Variants in TOR1AIP1 observed in about 807,000 individuals in gnomAD.
TOR1AIP1 encodes the protein torsin-1A-interacting protein 1.
A neutral mutation model predicts 63.3 loss-of-function variants in TOR1AIP1; 54 were observed. That is an observed-to-expected ratio of 0.85 (90% CI 0.69 to 1.07). The LOEUF (loss-of-function observed/expected upper bound fraction) is 1.07. Ranked by LOEUF, TOR1AIP1 falls within the 50% of genes least tolerant of loss-of-function variation. TOR1AIP1 has a pLI of 0.00. For missense variants in TOR1AIP1, 736 were observed against 715.0 expected, an observed-to-expected ratio of 1.03 and a Z score of -0.33; for synonymous variants, 294 against 273.5, an observed-to-expected ratio of 1.07 and a Z score of -0.74.
Position 179,885,185 on chromosome 1 carries a change from C to T in TOR1AIP1, c.553+416C>T, listed in dbSNP as rs570293979. Among the ~76,000 whole-genome samples the T allele has an allele frequency of 4.6e-5, 7 of 152,310 alleles. No individual in the cohort carries two copies. The East Asian group carries it at 1.3e-3, about 29-fold the overall frequency. On this transcript the variant is annotated intron_variant, in intron 2 of 9. Coordinates refer to ENST00000606911, the MANE Select transcript of TOR1AIP1 (RefSeq NM_015602.4). ...ACTTTTCTTCATGGTAAAATCTTGACACAGTGTGATCAGTCTTTTCAGTTT... is the reference window on the plus strand; with the variant it reads ...ACTTTTCTTCATGGTAAAATCTTGATACAGTGTGATCAGTCTTTTCAGTTT...
rs1343596416 is a variant in TOR1AIP1, at chr1:179,901,297, T to C, written c.653-5T>C. On this transcript the variant is annotated splice_region_variant and splice_polypyrimidine_tract_variant and intron_variant, in intron 4 of 9. Coordinates refer to ENST00000606911, the MANE Select transcript of TOR1AIP1 (RefSeq NM_015602.4). ...TATATTAGTATATTGTTTACTTCTC[T>C]TTAGGAGAAACTGAAGAAGATGATC... is the stretch of plus-strand genomic sequence containing the variant. 6.2e-7 allele frequency: 1 copy of C among 1,604,892 alleles called. No individual in the cohort carries two copies.
chr1:179,903,145 T>C (rs1343707099), intron 5 of TOR1AIP1, among the ~76,000 whole-genome samples: 2 of 152,042 alleles, frequency 1.3e-5, no homozygotes, highest in East Asian at 3.9e-4. Flanking sequence ...AAGAGTAGAC[T>C]GAAAGCAAGG....
In TOR1AIP1 at chr1:179,904,035, G is replaced by A; in HGVS notation, c.796+13G>A. ...CAGTCATCACAAAGTAAGTAAAGCT[G>A]TGTTTACAGTGTCTTCCTGTGAGCT... is the stretch of plus-strand genomic sequence containing the variant. On this transcript the variant is annotated intron_variant, in intron 6 of 9. Coordinates refer to ENST00000606911, the MANE Select transcript of TOR1AIP1 (RefSeq NM_015602.4). 6.3e-7 allele frequency: 1 copy of A among 1,587,170 alleles called. No individual in the cohort carries two copies. Among genetic ancestry groups the A allele is most frequent in the Non-Finnish European group, 8.6e-7 (1 of 1,160,756 alleles).
At chr1:179,883,312 G>C (rs577031190) in intron 1 of TOR1AIP1, among the ~76,000 whole-genome samples, 2 of 152,276 alleles carry the variant, frequency 1.3e-5, no homozygotes, top group South Asian at 4.1e-4. Context: ...CTGCAGGGTC[G>C]GTTTCATTTC....
Position 179,895,497 on chromosome 1 carries a change from A to G in TOR1AIP1, c.611-4629A>G, listed in dbSNP as rs1401157214. 4.6e-5 allele frequency among the ~76,000 whole-genome samples: 7 copies of G among 152,108 alleles called. 1 individual carries two copies. The highest frequency in any genetic ancestry group is 4.6e-4 in the Admixed American group (7 of 15,264). ...GTGGCACGTGCCTATATTCCCAGTTACTTGGGAGGCTGAGTCTGGAGGATC... is the reference window on the plus strand; with the variant it reads ...GTGGCACGTGCCTATATTCCCAGTTGCTTGGGAGGCTGAGTCTGGAGGATC... On this transcript the variant is annotated intron_variant, in intron 3 of 9. Coordinates refer to ENST00000606911, the MANE Select transcript of TOR1AIP1 (RefSeq NM_015602.4).
rs1649092924 is a variant in TOR1AIP1 at position 179,918,459 on chromosome 1, T to A, written c.*220T>A. On this transcript the variant is annotated 3_prime_UTR_variant, in exon 10 of 10. Coordinates refer to ENST00000606911, the MANE Select transcript of TOR1AIP1 (RefSeq NM_015602.4). Reference sequence around the variant, plus strand: ...CATTGAGAGCTCTGTTAAAGGTATCTTAGGAGTGCAGATTATATGCAGTTC... The same window carrying A: ...CATTGAGAGCTCTGTTAAAGGTATCATAGGAGTGCAGATTATATGCAGTTC... 1.9e-6 allele frequency: 1 copy of A among 533,052 alleles called. No individual in the cohort carries two copies. Among genetic ancestry groups the A allele is most frequent in the Admixed American group, 3.6e-5 (1 of 27,588 alleles). 33.0% of individuals were successfully genotyped at this position (533,052 alleles called of 1,614,324 possible).
chr1:179,906,444 G>A (rs1648634647), intron 6 of TOR1AIP1, among the ~76,000 whole-genome samples: 1 of 152,084 alleles, frequency 6.6e-6, no homozygotes, highest in African/African-American at 2.4e-5. Flanking sequence ...TCATCAAAGA[G>A]TAACTCATTT....
intron 3 of TOR1AIP1, among the ~76,000 whole-genome samples, chr1:179,897,180 A>T (rs1306325205): frequency 6.6e-6 from 1 of 152,232 alleles, no homozygotes; most frequent in East Asian, 1.9e-4. Context: ...TTAAATCCAG[A>T]AGTCTGAAAA....
At chr1:179,903,846 A>C in intron 5 of TOR1AIP1, 120 bp from the exon 6 acceptor site, 1 of 627,094 alleles carries the variant, frequency 1.6e-6, no homozygotes, top group Non-Finnish European at 2.6e-6. Context: ...CCACGTTTTT[A>C]ACCACCTGGG....
At chr1:179,891,287 T>C (rs1648069821) in intron 3 of TOR1AIP1, among the ~76,000 whole-genome samples, 1 of 152,206 alleles carries the variant, frequency 6.6e-6, no homozygotes, top group African/African-American at 2.4e-5. Flanking sequence ...CGTGGTGCGA[T>C]CTCGGCTCAC....
chr1:179,908,460 T>C, intron 7 of TOR1AIP1, 145 bp from the exon 8 acceptor site: 1 of 656,740 alleles, frequency 1.5e-6, no homozygotes, highest in South Asian at 2.1e-5. Context: ...TTTGAAATTA[T>C]CTTTTACTTA....
At chr1:179,895,393 G>A (rs761899131) in intron 3 of TOR1AIP1, among the ~76,000 whole-genome samples, 5 of 151,844 alleles carry the variant, frequency 3.3e-5, no homozygotes, top group Non-Finnish European at 5.9e-5. Flanking sequence ...CAGGTGGATC[G>A]CTTGAACCCA....
chr1:179,883,082 AT>A (rs1283866272), intron 1 of TOR1AIP1, 105 bp downstream of exon 1: 1 of 1,061,434 alleles, frequency 9.4e-7, no homozygotes, highest in South Asian at 1.5e-5. Context: ...AAGTACTGGG[AT>A]TGGCTAAAGG....
chr1:179,917,116 C>A (rs1461325940), intron 9 of TOR1AIP1, among the ~76,000 whole-genome samples: 1 of 152,058 alleles, frequency 6.6e-6, no homozygotes, highest in Non-Finnish European at 1.5e-5. Flanking sequence ...ATTCTCCCAA[C>A]TATTAGCAGT....
chr1:179,883,589 C>T, intron 1 of TOR1AIP1: 1 of 456,164 alleles, frequency 2.2e-6, no homozygotes, highest in South Asian at 1.5e-5. Flanking sequence ...TGTTTGATAA[C>T]TTGAGCTGAT....
intron 6 of TOR1AIP1, among the ~76,000 whole-genome samples, chr1:179,905,453 A>T (rs1330598561): frequency 1.3e-5 from 2 of 152,174 alleles, no homozygotes; most frequent in South Asian, 2.1e-4. Context: ...ATTCAATTTT[A>T]TATTTTTTAT....
chr1:179,919,309 A>G lies in TOR1AIP1; in HGVS notation c.*1070A>G, dbSNP rs1649121303. 6.6e-6 allele frequency: 1 copy of G among 152,142 alleles called. No homozygotes were observed. 9.4% of individuals were successfully genotyped at this position (152,142 alleles called of 1,614,324 possible). Reference sequence around the variant, plus strand: ...CAATTCGTAACAGTTTATTTTGGACACACCCTGAAGCTTTTGTTTTGAATT... The same window carrying G: ...CAATTCGTAACAGTTTATTTTGGACGCACCCTGAAGCTTTTGTTTTGAATT... On this transcript the variant is annotated 3_prime_UTR_variant, in exon 10 of 10. Transcript: ENST00000606911.
intron 9 of TOR1AIP1, among the ~76,000 whole-genome samples, chr1:179,917,149 A>C (rs1481172872): frequency 6.6e-6 from 1 of 152,222 alleles, no homozygotes; most frequent in Admixed American, 6.5e-5. Context: ...TTCGCTTTAT[A>C]AACTATTATT....
chr1:179,894,402 A>T (rs1648200732), intron 3 of TOR1AIP1, among the ~76,000 whole-genome samples: 1 of 151,542 alleles, frequency 6.6e-6, no homozygotes, highest in African/African-American at 2.4e-5. Flanking sequence ...AAGAAAGGAA[A>T]CAAGCTGGGC....
Sources: gnomAD v4.1 joint callset for allele counts (sites outside exome capture counted in the v4.1 genomes callset) on GRCh38, gnomAD v4.1.1 for gene constraint, MANE v1.5 for transcripts, NCBI Gene and HGNC (gene_info 2026-07-23, HGNC 2026-07-21) for gene names.